The following MEGF11 variants were observed in gnomAD, a reference collection of about 807,000 sequenced individuals.
The protein encoded by MEGF11 is multiple EGF like domains 11.
Under a neutral mutation model 146.6 loss-of-function variants are expected in MEGF11, and 126 were observed. The observed-to-expected ratio is 0.86, with a 90% CI of 0.74 to 1.00. The LOEUF is 1.00. MEGF11 is among the 50% of genes least tolerant of loss of function. MEGF11 has a pLI of 0.00. For missense variants in MEGF11, 1,509 were observed against 1,521.2 expected, an observed-to-expected ratio of 0.99 and a Z score of 0.13; for synonymous variants, 532 against 583.4, an observed-to-expected ratio of 0.91 and a Z score of 1.27.
At chr15:66,071,508 T>C (rs976720633) in intron 5 of MEGF11, among the ~76,000 whole-genome samples, 3 of 152,242 alleles carry the variant, frequency 2.0e-5, no homozygotes, top group Non-Finnish European at 2.9e-5. Flanking sequence ...GCAAATTGTA[T>C]TGAATTATGA....
chr15:66,118,348 C>A (rs904832778), intron 4 of MEGF11, among the ~76,000 whole-genome samples: 2 of 152,220 alleles, frequency 1.3e-5, no homozygotes, highest in Non-Finnish European at 2.9e-5. Flanking sequence ...GATCTACAGG[C>A]TCCTGCTCCG....
At chr15:66,157,092 G>A (rs558987586) in intron 1 of MEGF11, among the ~76,000 whole-genome samples, 2 of 104,976 alleles carry the variant, frequency 1.9e-5, no homozygotes, top group Non-Finnish European at 4.4e-5. Flanking sequence ...TGGGACCAAC[G>A]CCTTACAGGT....
At chr15:65,899,387 T>G (rs2078435543) in intron 24 of MEGF11, among the ~76,000 whole-genome samples, 1 of 152,186 alleles carries the variant, frequency 6.6e-6, no homozygotes, top group Non-Finnish European at 1.5e-5. Context: ...ATGATATTCT[T>G]GTGAATTCTT....
chr15:65,924,104 C>G lies in MEGF11; in HGVS notation c.1676-1135G>C, dbSNP rs2141266701. Among the ~76,000 whole-genome samples the G allele has an allele frequency of 2.7e-5, 4 of 150,932 alleles. No homozygotes were observed. The South Asian group carries it at 8.3e-4, about 31-fold the overall frequency. ...TCATGCCCAGTGAACAGAGCCAGCC[C>G]TACCAGCAGCAGGAGAGCAGTGGGA... is the stretch of plus-strand genomic sequence containing the variant. On this transcript the variant is annotated intron_variant, in intron 13 of 25. Transcript: ENST00000395614.
At chr15:65,928,771 G>A (rs746612702) in intron 12 of MEGF11, among the ~76,000 whole-genome samples, 22 of 151,968 alleles carry the variant, frequency 1.4e-4, no homozygotes, top group Non-Finnish European at 2.6e-4. Context: ...TTATTTGGCT[G>A]CATTAACAGG....
At chr15:65,901,497 A>T (rs1022527309) in intron 24 of MEGF11, among the ~76,000 whole-genome samples, 1 of 152,072 alleles carries the variant, frequency 6.6e-6, no homozygotes, top group Non-Finnish European at 1.5e-5. Flanking sequence ...TCCTAATGTT[A>T]GTAAGTAGTT....
intron 10 of MEGF11, among the ~76,000 whole-genome samples, chr15:65,938,804 C>T (rs147595741): frequency 6.6e-6 from 1 of 152,354 alleles, no homozygotes; most frequent in East Asian, 1.9e-4. Context: ...TGCCTCCATG[C>T]ATAACATGAT....
At chr15:66,039,847 T>TCAGCCTTCTCTCATC (rs1567213551) in intron 5 of MEGF11, among the ~76,000 whole-genome samples, 3 of 1,998 alleles carry the variant, frequency 1.5e-3, no homozygotes, top group Non-Finnish European at 3.8e-3. Flanking sequence ...GGGGTGACGG[T>TCAGCCTTCTCTCATC]CCTGAGCCGG....
intron 10 of MEGF11, among the ~76,000 whole-genome samples, chr15:65,955,823 A>AATATATAAATATATATATATATATATAT (rs573758255): frequency 2.5e-5 from 1 of 40,202 alleles, no homozygotes; most frequent in South Asian, 1.0e-3. Flanking sequence ...CAATACTTTA[A>AATATATAAATATATATATATATATATAT]ATATATAACA....
intron 5 of MEGF11, among the ~76,000 whole-genome samples, chr15:66,046,099 T>G (rs2140321436): frequency 6.6e-6 from 1 of 152,146 alleles, no homozygotes; most frequent in South Asian, 2.1e-4. Flanking sequence ...TGAGACTCTG[T>G]CTCAAAAAAA....
At chr15:65,898,216 T>TA in intron 25 of MEGF11, 122 bp from the exon 26 acceptor site, 1 of 1,458,486 alleles carries the variant, frequency 6.9e-7, no homozygotes, top group Non-Finnish European at 9.0e-7. Context: ...CTATGGCAAA[T>TA]ACATGAGGGT....
chr15:66,119,313 A>G, intron 3 of MEGF11, 127 bp from the exon 4 acceptor site: 1 of 661,354 alleles, frequency 1.5e-6, no homozygotes, highest in Non-Finnish European at 2.6e-6. Flanking sequence ...TGGCGACTTC[A>G]AATATGAAGG....
intron 1 of MEGF11, among the ~76,000 whole-genome samples, chr15:66,197,654 C>A (rs1180136112): frequency 6.6e-6 from 1 of 152,120 alleles, no homozygotes; most frequent in Non-Finnish European, 1.5e-5. Flanking sequence ...AATCTCCTGA[C>A]CTCGTGATCC....
At chr15:65,975,385 C>T (rs373268634) in intron 7 of MEGF11, among the ~76,000 whole-genome samples, 11 of 152,190 alleles carry the variant, frequency 7.2e-5, no homozygotes, top group African/African-American at 2.2e-4. Flanking sequence ...TGCATCCTTC[C>T]GGCATTCCCT....
chr15:66,253,106 C>T (rs1028725523), intron 1 of MEGF11, among the ~76,000 whole-genome samples: 32 of 152,248 alleles, frequency 2.1e-4, no homozygotes, highest in African/African-American at 6.0e-4. Context: ...GCATCGCCGG[C>T]CGCCGCCGAA....
intron 1 of MEGF11, among the ~76,000 whole-genome samples, chr15:66,187,503 G>A (rs1472779374): frequency 6.6e-6 from 1 of 152,146 alleles, no homozygotes; most frequent in Non-Finnish European, 1.5e-5. Flanking sequence ...TCGCAACCAG[G>A]AACCACCAGG....
rs560970277 is a variant in MEGF11 at position 65,897,953 on chromosome 15, G to T, written c.3404C>A (p.Ser1135Tyr). Residue 1135 changes from serine (S) to tyrosine (Y), a missense_variant, in exon 26 of 26, where the codon TCC (serine) becomes TAC (tyrosine). Physicochemically the swap from Ser to Tyr is moderately radical, Grantham distance 144. Transcript: ENST00000395614. ...PVRQSPANGPSQDKQS is the reference protein window; with the variant it reads ...PVRQSPANGPYQDKQS ...TCCCTCTTAAGATTGCTTGTCCTGG[G>T]ACGGCCCATTGGCAGGGCTCTGTCT... 1 of 1,613,962 alleles carries T rather than the reference G, an allele frequency of 6.2e-7. No individual in the cohort carries two copies. Among genetic ancestry groups the T allele is most frequent in the Non-Finnish European group, 8.5e-7 (1 of 1,179,850 alleles).
In MEGF11 at chr15:65,897,977, C is replaced by G; in HGVS notation, c.3380G>C (p.Arg1127Thr). 6.2e-7 allele frequency: 1 copy of G among 1,614,002 alleles called. No individual in the cohort carries two copies. ...IPGHYDLLPV[R>T]QSPANGPSQD... ...GGACGGCCCATTGGCAGGGCTCTGT[C>G]TTACTGGGAGGAGGTCATAATGACC... Residue 1127 changes from arginine to threonine, a missense_variant, in exon 26 of 26, where the codon AGA becomes ACA. By Grantham distance (71) the Arg-to-Thr change is moderately conservative. Coordinates refer to ENST00000395614, the MANE Select transcript of MEGF11 (RefSeq NM_001385028.1).
intron 1 of MEGF11, among the ~76,000 whole-genome samples, chr15:66,224,217 A>T (rs1369275269): frequency 2.0e-5 from 3 of 152,176 alleles, no homozygotes; most frequent in African/African-American, 7.2e-5. Context: ...CTGTAAACTG[A>T]GAGGATAATA....
Sources: allele counts gnomAD v4.1 joint callset (sites outside exome capture counted in the v4.1 genomes callset), GRCh38; gene constraint gnomAD v4.1.1; transcripts MANE v1.5; gene names NCBI Gene and HGNC (gene_info 2026-07-23, HGNC 2026-07-21).